The following RBM15B variants were observed in gnomAD, a reference collection of about 807,000 sequenced individuals.
RBM15B encodes the protein putative RNA-binding protein 15B.
Under a neutral mutation model 53.3 loss-of-function variants are expected in RBM15B, and 11 were observed. That is an observed-to-expected ratio of 0.21 (90% CI 0.13 to 0.34). The LOEUF (loss-of-function observed/expected upper bound fraction) is 0.34. Among genes scored for constraint, RBM15B ranks in the 10% least tolerant of loss-of-function variants. The pLI, the probability that RBM15B is intolerant of heterozygous loss-of-function variation, is 1.00. For synonymous variants in RBM15B, 631 were observed against 540.7 expected (o/e 1.17, Z -2.32); for missense variants, 1,136 against 1,250.3 (o/e 0.91, Z 1.38).
chr3:51,393,978 A>G lies in RBM15B; in HGVS notation c.2579A>G (p.Asp860Gly), dbSNP rs1553622125. Residue 860 changes from aspartate (D) to glycine (G), a missense_variant, in exon 1 of 1, where the codon GAC becomes GGC. Physicochemically the swap from Asp to Gly is moderately conservative, Grantham distance 94 (BLOSUM62 -1). Around this residue, in one of 7 missense-constraint regions of RBM15B, gnomAD observed 578 missense variants for 581.6 expected, o/e 0.99. Transcript: ENST00000563281. This position sits in a 1 kb window ranked among gnomAD's most constrained non-coding sequence, Gnocchi z 5.6. ...ATGCTCTACGCCTTCCCACCCTGCG[A>G]CTTTTCCCAGCAGTACCTCCAGTCA... ...TGMLYAFPPC[D>G]FSQQYLQSAL... 2 of 1,513,798 alleles carry G rather than the reference A, an allele frequency of 1.3e-6. No individual in the cohort carries two copies. Among genetic ancestry groups the G allele is most frequent in the Non-Finnish European group, 1.8e-6 (2 of 1,131,792 alleles). 93.8% of individuals were successfully genotyped at this position (1,513,798 alleles called of 1,614,324 possible).
In RBM15B at chr3:51,391,807, T is replaced by C. The variant is rs2089042101; in HGVS notation, c.408T>C (p.Pro136=). 2 of 1,595,468 alleles carry C rather than the reference T, an allele frequency of 1.3e-6. No homozygotes were observed. The highest frequency in any genetic ancestry group is 2.7e-5 in the African/African-American group (2 of 73,620). The stretch of plus-strand genomic sequence containing the variant: ...GTCCCGGCTCATCCGCGGCCGCGCC[T>C]GAGTACAAGACGTTGCTCATCAGCA... ...PACPGSSAAA[P]EYKTLLISSL... Residue 136 remains proline (P), a synonymous_variant, in exon 1 of 1, where the codon CCT becomes CCC. Transcript: ENST00000563281. The surrounding 1 kb of genome is among the most constrained non-coding windows in gnomAD (Gnocchi z 4.5).
chr3:51,392,619 T>C lies in RBM15B; in HGVS notation c.1220T>C (p.Ile407Thr). 6.2e-7 allele frequency: 1 copy of C among 1,614,060 alleles called. No homozygotes were observed. Among genetic ancestry groups the C allele is most frequent in the Non-Finnish European group, 8.5e-7 (1 of 1,180,028 alleles). ...MSGRVIGRNP[I>T]KIGYGKANPT... ...GGCCGAGTGATTGGTCGCAACCCCA[T>C]TAAGATAGGCTATGGCAAGGCCAAC... Residue 407 changes from isoleucine to threonine, a missense_variant, in exon 1 of 1, where the codon ATT becomes ACT. Transcript: ENST00000563281. The surrounding 1 kb of genome is among the most constrained non-coding windows in gnomAD (Gnocchi z 7.5).
rs781813558 is a variant in RBM15B, at chr3:51,392,023, C to T, written c.624C>T (p.Tyr208=). The change falls in exon 1 of 1, where the codon TAC becomes TAT. Residue 208 remains tyrosine (Y), a synonymous_variant. Coordinates refer to ENST00000563281, the MANE Select transcript of RBM15B (RefSeq NM_013286.5). This position sits in a 1 kb window ranked among gnomAD's most constrained non-coding sequence, Gnocchi z 7.5. ...CCCTGGCCCGGCAGCTGCTGCTCTA[C>T]GACCGCCCGCTCAAGGTAGAGCCCG... is the stretch of plus-strand genomic sequence containing the variant. The part of the protein sequence containing the change: ...QHALARQLLL[Y]DRPLKVEPVY... The T allele has an allele frequency of 1.9e-6, 3 of 1,597,602 alleles. No individual in the cohort carries two copies. The highest frequency in any genetic ancestry group is 1.1e-5 in the South Asian group (1 of 90,718).
At position 51,392,929 on chromosome 3, in the gene RBM15B, T is replaced by C; in HGVS notation, c.1530T>C (p.Tyr510=). 2 of 1,613,864 alleles carry C rather than the reference T, an allele frequency of 1.2e-6. No individual in the cohort carries two copies. Among genetic ancestry groups the C allele is most frequent in the Non-Finnish European group, 1.7e-6 (2 of 1,180,046 alleles). The change falls in exon 1 of 1, where the codon TAT becomes TAC. Residue 510 remains tyrosine (Y), a synonymous_variant. Coordinates refer to ENST00000563281, the MANE Select transcript of RBM15B (RefSeq NM_013286.5). This position sits in a 1 kb window ranked among gnomAD's most constrained non-coding sequence, Gnocchi z 7.5. Reference sequence around the variant, plus strand: ...AGCCCTCGCCACTCCCTGTGCATTATGAGCTGCTCACAGATGGATACACCC... The same window carrying C: ...AGCCCTCGCCACTCCCTGTGCATTACGAGCTGCTCACAGATGGATACACCC... ...QYQPSPLPVH[Y]ELLTDGYTRH... is the part of the protein sequence containing the mutation.
At position 51,391,347 on chromosome 3, in the gene RBM15B, C is replaced by T. The variant is rs1194280841; in HGVS notation, c.-53C>T. The T allele has an allele frequency of 2.2e-5, 26 of 1,174,500 alleles. No homozygotes were observed. The highest frequency in any genetic ancestry group is 8.1e-5 in the South Asian group (2 of 24,734). 72.8% of individuals were successfully genotyped at this position (1,174,500 alleles called of 1,614,324 possible). On this transcript the variant is annotated 5_prime_UTR_variant, in exon 1 of 1. Transcript: ENST00000563281. The surrounding 1 kb of genome is among the most constrained non-coding windows in gnomAD (Gnocchi z 4.5). ...GCGCTGCCTCCTCGGCCGCCGCCTC[C>T]GCCGCCGCCGCTGTGAGAAACCTAC...
Position 51,396,799 on chromosome 3 carries a change from G to T in RBM15B, c.*2727G>T, listed in dbSNP as rs1175172713. ...GGGTGCTCCCAGCAGAGTTGAGACT[G>T]GCTCCGTTGAGTTAATGACTAGAAT... is the stretch of plus-strand genomic sequence containing the variant. On this transcript the variant is annotated 3_prime_UTR_variant, in exon 1 of 1. Coordinates refer to ENST00000563281, the MANE Select transcript of RBM15B (RefSeq NM_013286.5). The T allele has an allele frequency of 6.0e-6, 1 of 167,128 alleles. No individual in the cohort carries two copies. The highest frequency in any genetic ancestry group is 6.5e-5 in the Admixed American group (1 of 15,288). The allele number at this position is 167,128 out of a possible 1,614,324, so 10.4% of individuals were successfully genotyped here.
chr3:51,397,712 C>T lies in RBM15B; in HGVS notation c.*3640C>T, dbSNP rs2089300854. ...CTGTGAGTATAAGCTACTTTCCTCC[C>T]TGGAGTGCTCTATGTGGGCAGAACA... On this transcript the variant is annotated 3_prime_UTR_variant, in exon 1 of 1. Coordinates refer to ENST00000563281, the MANE Select transcript of RBM15B (RefSeq NM_013286.5). 1 of 167,104 alleles carries T rather than the reference C, an allele frequency of 6.0e-6. No individual in the cohort carries two copies. The highest frequency in any genetic ancestry group is 2.1e-4 in the South Asian group (1 of 4,832). 10.4% of individuals were successfully genotyped at this position (167,104 alleles called of 1,614,324 possible).
In RBM15B at chr3:51,392,940, C is replaced by T; in HGVS notation, c.1541C>T (p.Thr514Ile). 6.2e-7 allele frequency: 1 copy of T among 1,613,828 alleles called. No homozygotes were observed. The highest frequency in any genetic ancestry group is 8.5e-7 in the Non-Finnish European group (1 of 1,180,042). The change falls in exon 1 of 1, where the codon ACA becomes ATA. Residue 514 changes from threonine (T) to isoleucine (I), a missense_variant. This residue lies in a region of RBM15B where 578 missense variants were observed against 581.6 expected (regional missense o/e 0.99). Coordinates refer to ENST00000563281, the MANE Select transcript of RBM15B (RefSeq NM_013286.5). This position sits in a 1 kb window ranked among gnomAD's most constrained non-coding sequence, Gnocchi z 7.5. ...SPLPVHYELL[T>I]DGYTRHRNLD... ...CTCCCTGTGCATTATGAGCTGCTCA[C>T]AGATGGATACACCCGGCACCGCAAC...
Position 51,391,975 on chromosome 3 carries a change from C to T in RBM15B, c.576C>T (p.Asp192=). 2.5e-6 allele frequency: 4 copies of T among 1,599,286 alleles called. No individual in the cohort carries two copies. The highest frequency in any genetic ancestry group is 1.7e-4 in the Middle Eastern group (1 of 6,044). ...VAYVNFRHPQ[D]AREARQHALA... The stretch of plus-strand genomic sequence containing the variant: ...ACGTGAATTTCCGGCACCCACAGGA[C>T]GCACGCGAGGCCCGCCAGCACGCCC... The change falls in exon 1 of 1, where the codon GAC becomes GAT. Residue 192 remains aspartate (D), a synonymous_variant. Coordinates refer to ENST00000563281, the MANE Select transcript of RBM15B (RefSeq NM_013286.5). This position sits in a 1 kb window ranked among gnomAD's most constrained non-coding sequence, Gnocchi z 4.5.
Position 51,393,747 on chromosome 3 carries a change from T to G in RBM15B, c.2348T>G (p.Ile783Ser). The change falls in exon 1 of 1, where the codon ATC becomes AGC. Residue 783 changes from isoleucine to serine, a missense_variant. By Grantham distance (142) the Ile-to-Ser change is moderately radical. Transcript: ENST00000563281. The surrounding 1 kb of genome is among the most constrained non-coding windows in gnomAD (Gnocchi z 5.6). ...QPKLDEVTRR[I>S]KQGSPNGYAV... ...AAGCTTGACGAGGTCACACGACGCA[T>G]CAAGCAGGGGAGCCCCAACGGCTAT... 1 of 1,613,810 alleles carries G rather than the reference T, an allele frequency of 6.2e-7. No individual in the cohort carries two copies. The highest frequency in any genetic ancestry group is 8.5e-7 in the Non-Finnish European group (1 of 1,180,024).
In RBM15B at chr3:51,391,432, G is replaced by A; in HGVS notation, c.33G>A (p.Pro11=). ...GGCAGAGCGAGCGAGACTCTAGCCC[G>A]AGCGGGCGCGGCTCGTCATCGTCCG... MKRQSERDSS[P]SGRGSSSSAK... is the part of the protein sequence containing the mutation. Residue 11 remains proline, a synonymous_variant, in exon 1 of 1, where the codon CCG becomes CCA. Transcript: ENST00000563281. The surrounding 1 kb of genome is among the most constrained non-coding windows in gnomAD (Gnocchi z 4.5). 1.6e-6 allele frequency: 2 copies of A among 1,270,568 alleles called. No individual in the cohort carries two copies. The highest frequency in any genetic ancestry group is 2.0e-6 in the Non-Finnish European group (2 of 1,005,054). The allele number at this position is 1,270,568 out of a possible 1,614,324, so 78.7% of individuals were successfully genotyped here. A position where few individuals can be genotyped will look rare whatever the true frequency, so the allele number is the denominator to read the frequency against.
Position 51,397,335 on chromosome 3 carries a change from C to G in RBM15B, c.*3263C>G, listed in dbSNP as rs1553623308. ...TTTAACCATAGGCCAATTTTAGGGG[C>G]CTCTGAAGTATCTTTCTACAAACGC... On this transcript the variant is annotated 3_prime_UTR_variant, in exon 1 of 1. Transcript: ENST00000563281. 21 of 167,036 alleles carry G rather than the reference C, an allele frequency of 1.3e-4. No individual in the cohort carries two copies. 10.3% of individuals were successfully genotyped at this position (167,036 alleles called of 1,614,324 possible).
chr3:51,395,784 C>A lies in RBM15B; in HGVS notation c.*1712C>A, dbSNP rs1198405244. The A allele has an allele frequency of 9.7e-6, 4 of 413,428 alleles. No individual in the cohort carries two copies. Among genetic ancestry groups the A allele is most frequent in the African/African-American group, 8.2e-5 (4 of 48,638 alleles). The allele number at this position is 413,428 out of a possible 1,614,324, so 25.6% of individuals were successfully genotyped here. A position where few individuals can be genotyped will look rare whatever the true frequency, so the allele number is the denominator to read the frequency against. On this transcript the variant is annotated 3_prime_UTR_variant, in exon 1 of 1. Transcript: ENST00000563281. The stretch of plus-strand genomic sequence containing the variant: ...TGGTCCACAGGAACACTTGGCAGTG[C>A]TCTCGTAGACCCCTCGGTGATGTGG...
rs1256139043 is a variant in RBM15B, at chr3:51,395,801, G to GTGA, written c.*1732_*1734dup. On this transcript the variant is annotated 3_prime_UTR_variant, in exon 1 of 1. Coordinates refer to ENST00000563281, the MANE Select transcript of RBM15B (RefSeq NM_013286.5). Reference sequence around the variant, plus strand: ...TGGCAGTGCTCTCGTAGACCCCTCGGTGATGTGGAATGGACAGGTGCCTCG... The same window carrying GTGA: ...TGGCAGTGCTCTCGTAGACCCCTCGGTGATGATGTGGAATGGACAGGTGCCTCG... 1.9e-5 allele frequency: 8 copies of GTGA among 413,394 alleles called. No individual in the cohort carries two copies. Among genetic ancestry groups the GTGA allele is most frequent in the East Asian group, 3.6e-5 (1 of 28,100 alleles). 25.6% of individuals were successfully genotyped at this position (413,394 alleles called of 1,614,324 possible).
rs549995751 is a variant in RBM15B, at chr3:51,397,411, C to A, written c.*3339C>A. The A allele has an allele frequency of 1.2e-5, 2 of 167,106 alleles. No individual in the cohort carries two copies. Among genetic ancestry groups the A allele is most frequent in the Admixed American group, 6.5e-5 (1 of 15,292 alleles). 10.4% of individuals were successfully genotyped at this position (167,106 alleles called of 1,614,324 possible). On this transcript the variant is annotated 3_prime_UTR_variant, in exon 1 of 1. Coordinates refer to ENST00000563281, the MANE Select transcript of RBM15B (RefSeq NM_013286.5). ...GCCAGGATGCTCAAGTCCACTGTCA[C>A]AATCCCTTTCAGAAAACATTAGTGG...
Position 51,392,932 on chromosome 3 carries a change from G to A in RBM15B, c.1533G>A (p.Glu511=), listed in dbSNP as rs1553621847. The A allele has an allele frequency of 6.2e-7, 1 of 1,613,818 alleles. No homozygotes were observed. The highest frequency in any genetic ancestry group is 8.5e-7 in the Non-Finnish European group (1 of 1,180,044). The change falls in exon 1 of 1, where the codon GAG becomes GAA. Residue 511 remains glutamate (E), a synonymous_variant. Coordinates refer to ENST00000563281, the MANE Select transcript of RBM15B (RefSeq NM_013286.5). This position sits in a 1 kb window ranked among gnomAD's most constrained non-coding sequence, Gnocchi z 7.5. The stretch of plus-strand genomic sequence containing the variant: ...CCTCGCCACTCCCTGTGCATTATGA[G>A]CTGCTCACAGATGGATACACCCGGC... ...YQPSPLPVHY[E]LLTDGYTRHR...
Position 51,393,809 on chromosome 3 carries a change from C to T in RBM15B, c.2410C>T (p.Leu804Phe), listed in dbSNP as rs782738136. 4 of 1,613,418 alleles carry T rather than the reference C, an allele frequency of 2.5e-6. No individual in the cohort carries two copies. In the East Asian group the frequency reaches 8.9e-5, roughly 36 times the overall value. The change falls in exon 1 of 1, where the codon CTT becomes TTT. Residue 804 changes from leucine (L) to phenylalanine (F), a missense_variant. Physicochemically the swap from Leu to Phe is conservative, Grantham distance 22. This residue lies in a region of RBM15B where 578 missense variants were observed against 581.6 expected (regional missense o/e 0.99). Transcript: ENST00000563281. This position sits in a 1 kb window ranked among gnomAD's most constrained non-coding sequence, Gnocchi z 5.6. The stretch of plus-strand genomic sequence containing the variant: ...AGCCACCCAGGCAACCCCCAGTGGG[C>T]TTGGCACTGAGGGGATGCCCACAGT... Reference protein sequence around the residue: ...LLATQATPSGLGTEGMPTVEP... With the variant: ...LLATQATPSGFGTEGMPTVEP...
rs2089050866 is a variant in RBM15B at position 51,392,264 on chromosome 3, G to C, written c.865G>C (p.Asp289His). The C allele has an allele frequency of 1.8e-5, 29 of 1,600,974 alleles. No individual in the cohort carries two copies. The highest frequency in any genetic ancestry group is 2.4e-5 in the Non-Finnish European group (28 of 1,177,030). Reference protein sequence around the residue: ...ARHAAAAFALDAAAAAAVGLS... With the variant: ...ARHAAAAFALHAAAAAAVGLS... ...TCACGCCGCCGCAGCCTTCGCCCTG[G>C]ATGCCGCTGCTGCCGCCGCCGTGGG... The change falls in exon 1 of 1, where the codon GAT (aspartate) becomes CAT (histidine). Residue 289 changes from aspartate (D) to histidine (H), a missense_variant. Coordinates refer to ENST00000563281, the MANE Select transcript of RBM15B (RefSeq NM_013286.5). The surrounding 1 kb of genome is among the most constrained non-coding windows in gnomAD (Gnocchi z 7.5).
rs2089051510 is a variant in RBM15B at position 51,392,278 on chromosome 3, C to T, written c.879C>T (p.Ala293=). The T allele has an allele frequency of 4.4e-6, 7 of 1,604,276 alleles. No individual in the cohort carries two copies. Among genetic ancestry groups the T allele is most frequent in the Non-Finnish European group, 5.9e-6 (7 of 1,177,766 alleles). ...CCTTCGCCCTGGATGCCGCTGCTGC[C>T]GCCGCCGTGGGACTGTCCCGGGAGC... ...AAAFALDAAA[A]AAVGLSRERA... is the part of the protein sequence containing the mutation. Residue 293 remains alanine, a synonymous_variant, in exon 1 of 1, where the codon GCC becomes GCT. Coordinates refer to ENST00000563281, the MANE Select transcript of RBM15B (RefSeq NM_013286.5). This position sits in a 1 kb window ranked among gnomAD's most constrained non-coding sequence, Gnocchi z 7.5.
Sources: gnomAD v4.1 joint callset for allele counts on GRCh38, gnomAD v4.1.1 for gene constraint, gnomAD v4.1.1 regional missense constraint, Gnocchi (gnomAD v3.1) non-coding constraint, MANE v1.5 for transcripts, NCBI Gene and HGNC (gene_info 2026-07-23, HGNC 2026-07-21) for gene names.